Variants in NECAB1 observed in about 807,000 individuals in gnomAD.
NECAB1 encodes the protein N-terminal EF-hand calcium binding protein 1.
Under a neutral mutation model 57.5 loss-of-function variants are expected in NECAB1, and 29 were observed. The ratio of observed to expected loss-of-function variants is 0.50; its 90% confidence interval spans 0.38 to 0.69. The LOEUF (loss-of-function observed/expected upper bound fraction) is 0.69. NECAB1 is among the 30% of genes least tolerant of loss of function. NECAB1 has a pLI of 0.00. For missense variants in NECAB1, 372 were observed against 413.8 expected (o/e 0.90, Z 0.88); for synonymous variants, 142 against 147.7 (o/e 0.96, Z 0.28).
intron 3 of NECAB1, among the ~76,000 whole-genome samples, chr8:90,827,754 A>G (rs1812247701): frequency 6.6e-6 from 1 of 151,998 alleles, no homozygotes; most frequent in Non-Finnish European, 1.5e-5. Flanking sequence ...AAAAGCAAAT[A>G]TTGTTCAGAA....
intron 3 of NECAB1, among the ~76,000 whole-genome samples, chr8:90,846,501 C>T (rs1362160430): frequency 1.3e-5 from 2 of 152,218 alleles, no homozygotes; most frequent in Admixed American, 6.5e-5. Flanking sequence ...CCTCAAAAAG[C>T]TACCTTAGTA....
At chr8:90,934,741 T>C (rs776532546) in intron 9 of NECAB1, among the ~76,000 whole-genome samples, 3 of 152,296 alleles carry the variant, frequency 2.0e-5, no homozygotes, top group Non-Finnish European at 2.9e-5. Context: ...CATTATTATA[T>C]TTCCAGCATT....
intron 1 of NECAB1, among the ~76,000 whole-genome samples, chr8:90,794,041 T>C (rs1016558302): frequency 6.6e-6 from 1 of 152,156 alleles, no homozygotes; most frequent in Non-Finnish European, 1.5e-5. Flanking sequence ...AAAATAAAAA[T>C]AGGAAACTGA....
chr8:90,862,449 A>G (rs1808420013), intron 3 of NECAB1, among the ~76,000 whole-genome samples: 1 of 152,120 alleles, frequency 6.6e-6, no homozygotes, highest in African/African-American at 2.4e-5. Flanking sequence ...GATGACACAG[A>G]TGGAGTTCTC....
chr8:90,814,196 G>C (rs907669744), intron 2 of NECAB1, among the ~76,000 whole-genome samples: 2 of 152,206 alleles, frequency 1.3e-5, no homozygotes, highest in African/African-American at 4.8e-5. Flanking sequence ...TTTGGGATTT[G>C]TCTGGTGTTT....
intron 5 of NECAB1, among the ~76,000 whole-genome samples, chr8:90,909,763 G>A (rs1461221999): frequency 1.3e-5 from 2 of 151,952 alleles, no homozygotes; most frequent in Admixed American, 6.6e-5. Context: ...GCAATTTTAT[G>A]AAAATATGTC....
intron 7 of NECAB1, among the ~76,000 whole-genome samples, chr8:90,927,928 A>C (rs975484030): frequency 3.9e-5 from 6 of 152,038 alleles, no homozygotes; most frequent in African/African-American, 1.5e-4. Flanking sequence ...TTTGCAAAAG[A>C]AAACCAACTA....
rs1363935988 is a variant in NECAB1, at chr8:90,957,740, A to G, written c.*2228A>G. On this transcript the variant is annotated 3_prime_UTR_variant, in exon 13 of 13. Transcript: ENST00000417640. ...AAAAAACTGGGACCTAAGTATAAAT[A>G]TCTCATCCTAAAGTAAACAATAAGT... is the stretch of plus-strand genomic sequence containing the variant. 1 of 150,618 alleles carries G rather than the reference A, an allele frequency of 6.6e-6. No individual in the cohort carries two copies. The highest frequency in any genetic ancestry group is 1.5e-5 in the Non-Finnish European group (1 of 67,436). The allele number at this position is 150,618 out of a possible 1,614,324, so 9.3% of individuals were successfully genotyped here.
intron 8 of NECAB1, among the ~76,000 whole-genome samples, chr8:90,930,744 A>C (rs1394512321): frequency 6.6e-6 from 1 of 152,174 alleles, no homozygotes; most frequent in African/African-American, 2.4e-5. Context: ...CTCCTTTCTT[A>C]TTTTATTGAT....
chr8:90,827,982 T>C (rs1812250086), intron 3 of NECAB1, among the ~76,000 whole-genome samples: 1 of 151,994 alleles, frequency 6.6e-6, no homozygotes, highest in South Asian at 2.1e-4. Flanking sequence ...TATATTGCCC[T>C]CTTCACACAA....
At chr8:90,920,541 A>G (rs145085335) in intron 6 of NECAB1, among the ~76,000 whole-genome samples, 1 of 152,316 alleles carries the variant, frequency 6.6e-6, no homozygotes, top group East Asian at 1.9e-4. Flanking sequence ...TTGAAGTGGA[A>G]CTTTAGGATG....
In NECAB1 at chr8:90,918,661, C is replaced by G. The variant is rs996904728; in HGVS notation, c.494+1033C>G. On this transcript the variant is annotated intron_variant, in intron 6 of 12. Transcript: ENST00000417640. ...TGGGAAGACAAGACTTGAACTGGAC[C>G]TGTAGGATGAATTTGAATGGCAGAA... Among the ~76,000 whole-genome samples, 32 of 152,084 alleles carry G rather than the reference C, an allele frequency of 2.1e-4. 3 individuals carry two copies. Among genetic ancestry groups the G allele is most frequent in the Non-Finnish European group, 2.9e-5 (2 of 68,018 alleles).
chr8:90,868,251 T>C (rs908071513), intron 3 of NECAB1, among the ~76,000 whole-genome samples: 53 of 152,200 alleles, frequency 3.5e-4, no homozygotes, highest in African/African-American at 1.2e-3. Flanking sequence ...GGTAGTTCTT[T>C]ATAGCAATCC....
chr8:90,913,864 G>A lies in NECAB1; in HGVS notation c.358-3628G>A, dbSNP rs148943895. 8.5e-5 allele frequency among the ~76,000 whole-genome samples: 13 copies of A among 152,324 alleles called. No individual in the cohort carries two copies. In the East Asian group the frequency reaches 2.3e-3, roughly 27 times the overall value. On this transcript the variant is annotated intron_variant, in intron 5 of 12. Transcript: ENST00000417640. The stretch of plus-strand genomic sequence containing the variant: ...TGAGATCCAGAATAAGGGAAGGGAA[G>A]GAGACTAACAAATGGTCCAGAAAAT...
intron 11 of NECAB1, 113 bp downstream of exon 11, chr8:90,949,997 T>G: frequency 1.7e-6 from 1 of 582,718 alleles, no homozygotes; most frequent in Non-Finnish European, 3.0e-6. Context: ...CCTTAAAACC[T>G]GTCCCATTTG....
intron 9 of NECAB1, 74 bp from the exon 10 acceptor site, chr8:90,940,712 G>C: frequency 9.4e-7 from 1 of 1,068,410 alleles, no homozygotes; most frequent in Admixed American, 2.0e-5. Context: ...GGAGGAATGG[G>C]ATGGGCAGTA....
chr8:90,824,866 C>T (rs1270335127), intron 3 of NECAB1, 41 bp downstream of exon 3: 9 of 1,063,652 alleles, frequency 8.5e-6, no homozygotes, highest in Admixed American at 2.3e-5. Context: ...AAGTGAGGCA[C>T]AGAGAGCGTG....
chr8:90,858,403 A>C (rs1157480614), intron 3 of NECAB1, among the ~76,000 whole-genome samples: 1 of 152,206 alleles, frequency 6.6e-6, no homozygotes, highest in Non-Finnish European at 1.5e-5. Context: ...ATTTTATAGA[A>C]GTTCTATTTC....
chr8:90,810,997 G>C (rs1357222552), intron 2 of NECAB1, among the ~76,000 whole-genome samples: 3 of 151,190 alleles, frequency 2.0e-5, no homozygotes, highest in Non-Finnish European at 2.9e-5. Flanking sequence ...TCCCAGGCTG[G>C]AGCGCAGTGG....
Sources: gnomAD v4.1 joint callset for allele counts (sites outside exome capture counted in the v4.1 genomes callset) on GRCh38, gnomAD v4.1.1 for gene constraint, MANE v1.5 for transcripts, NCBI Gene and HGNC (gene_info 2026-07-23, HGNC 2026-07-21) for gene names.